PCDH15: variants seen among roughly 807,000 people sequenced by gnomAD.
The protein encoded by PCDH15 is protocadherin-15.
Under a neutral mutation model 178.5 loss-of-function variants are expected in PCDH15, and 129 were observed. That is an observed-to-expected ratio of 0.72 (90% CI 0.63 to 0.84). PCDH15 has a LOEUF of 0.84. Among genes scored for constraint, PCDH15 ranks in the 40% least tolerant of loss-of-function variants. The pLI is 0.00. For synonymous variants in PCDH15, 800 were observed against 732.0 expected (o/e 1.09, Z -1.50); for missense variants, 2,230 against 2,099.9 (o/e 1.06, Z -1.21).
At chr10:55,595,032 A>G (rs1842912079) in intron 2 of PCDH15, among the ~76,000 whole-genome samples, 1 of 152,204 alleles carries the variant, frequency 6.6e-6, no homozygotes. Context: ...TTTATCACCC[A>G]TGGATAATTA....
intron 1 of PCDH15, among the ~76,000 whole-genome samples, chr10:55,300,792 A>G (rs770211410): frequency 2.2e-4 from 33 of 152,166 alleles, no homozygotes; most frequent in Non-Finnish European, 4.4e-4. Context: ...TCAAATGTCA[A>G]TTTAAAAAAT....
intron 3 of PCDH15, among the ~76,000 whole-genome samples, chr10:54,385,313 T>C (rs1409949040): frequency 6.6e-6 from 1 of 152,140 alleles, no homozygotes; most frequent in Admixed American, 6.5e-5. Context: ...TTTAATATGT[T>C]ATTGAAAATA....
intron 2 of PCDH15, among the ~76,000 whole-genome samples, chr10:54,553,129 A>AG (rs1176130401): frequency 6.6e-6 from 1 of 152,190 alleles, no homozygotes; most frequent in African/African-American, 2.4e-5. Flanking sequence ...AGATTCTGTC[A>AG]GGGTGGTGTG....
chr10:53,903,384 A>T lies in PCDH15; in HGVS notation c.3374-14T>A. 1 of 1,611,778 alleles carries T rather than the reference A, an allele frequency of 6.2e-7. No individual in the cohort carries two copies. Among genetic ancestry groups the T allele is most frequent in the South Asian group, 1.1e-5 (1 of 91,044 alleles). ...TAGCTGTATTGCCTGGAGGACAAGA[A>T]ACGATGCATTTTTTATTGGTGGTTA... is the stretch of plus-strand genomic sequence containing the variant. On this transcript the variant is annotated splice_polypyrimidine_tract_variant and intron_variant, in intron 25 of 37. Coordinates refer to ENST00000644397, the MANE Select transcript of PCDH15 (RefSeq NM_001384140.1).
At position 54,450,180 on chromosome 10, in the gene PCDH15, CA is replaced by C. The variant is rs1303983346; in HGVS notation, c.158-71239del. ...ATATTATACTTTAAGTTCTAGGGTA[CA>C]TGTGCACAACATGCAGGTTTGTTAC... On this transcript the variant is annotated intron_variant, in intron 3 of 37. Transcript: ENST00000644397. Among the ~76,000 whole-genome samples, 4 of 143,196 alleles carry C rather than the reference CA, an allele frequency of 2.8e-5. No individual in the cohort carries two copies. In the East Asian group the frequency reaches 8.1e-4, roughly 29 times the overall value. 93.9% of individuals were successfully genotyped at this position (143,196 alleles called of 152,430 possible). A position where few individuals can be genotyped will look rare whatever the true frequency, so the allele number is the denominator to read the frequency against.
chr10:54,975,043 A>G (rs1306035837), intron 2 of PCDH15, among the ~76,000 whole-genome samples: 1 of 152,200 alleles, frequency 6.6e-6, no homozygotes, highest in East Asian at 1.9e-4. Flanking sequence ...TCTATTGGAC[A>G]CACCCTAAAA....
intron 5 of PCDH15, among the ~76,000 whole-genome samples, chr10:54,358,506 G>A (rs12774865): frequency 0.11 from 17,465 of 151,956 alleles, 1,792 homozygotes; most frequent in African/African-American, 0.28. Flanking sequence ...AAAAGTCAGG[G>A]AACAACAAAT....
intron 2 of PCDH15, among the ~76,000 whole-genome samples, chr10:55,086,597 A>C (rs929086698): frequency 1.1e-4 from 17 of 152,038 alleles, no homozygotes; most frequent in African/African-American, 3.9e-4. Flanking sequence ...TTAAAGGTTG[A>C]AGCCAAAGGA....
rs145493114 is a variant in PCDH15, at chr10:55,534,692, G to C, written c.-156+92933C>G. On this transcript the variant is annotated intron_variant, in intron 2 of 5. Transcript: ENST00000613346. ...AGAACTTAAAAACAGAGCTGCATTAGACCCATCAATCCCATTACTGAGTAT... is the reference window on the plus strand; with the variant it reads ...AGAACTTAAAAACAGAGCTGCATTACACCCATCAATCCCATTACTGAGTAT... 1.5e-4 allele frequency among the ~76,000 whole-genome samples: 23 copies of C among 152,136 alleles called. No homozygotes were observed. In the East Asian group the frequency reaches 3.7e-3, roughly 24 times the overall value.
At chr10:53,963,480 G>A (rs958524953) in intron 21 of PCDH15, among the ~76,000 whole-genome samples, 21 of 151,772 alleles carry the variant, frequency 1.4e-4, no homozygotes, top group Admixed American at 1.2e-3. Flanking sequence ...TTCTACTCTC[G>A]GCCCCTGGAA....
In PCDH15 at chr10:54,890,452, G is replaced by A. The variant is rs145028327; in HGVS notation, c.-29+6998C>T. ...ATGTAATAAAAAATATAACTGTGCC[G>A]TAGTGCTTAAGTCTACAGATGGCAA... On this transcript the variant is annotated intron_variant, in intron 3 of 5. Transcript: ENST00000458638. Among the ~76,000 whole-genome samples, 1,041 of 152,042 alleles carry A rather than the reference G, an allele frequency of 6.8e-3. 16 individuals carry two copies. The highest frequency in any genetic ancestry group is 0.023 in the African/African-American group (941 of 41,492).
At chr10:54,707,133 T>C (rs2095373134) in intron 1 of PCDH15, among the ~76,000 whole-genome samples, 2 of 152,160 alleles carry the variant, frequency 1.3e-5, no homozygotes, top group African/African-American at 2.4e-5. Flanking sequence ...AACTGGACCA[T>C]GGACTACTTA....
chr10:53,963,455 T>G (rs2088589960), intron 21 of PCDH15, among the ~76,000 whole-genome samples: 1 of 152,130 alleles, frequency 6.6e-6, no homozygotes. Context: ...TTTCAAGAAC[T>G]TCTACATTTT....
rs932049322 is a variant in PCDH15, at chr10:54,860,912, T to C, written c.-29+36538A>G. 2.6e-5 allele frequency among the ~76,000 whole-genome samples: 4 copies of C among 152,170 alleles called. No individual in the cohort carries two copies. In the East Asian group the frequency reaches 7.7e-4, roughly 29 times the overall value. ...TTAAGGCAATTTCTCCTACTATTTT[T>C]CTTACAGAATTTATTTATTAAGCAC... is the stretch of plus-strand genomic sequence containing the variant. On this transcript the variant is annotated intron_variant, in intron 3 of 5. Coordinates refer to the PCDH15 transcript ENST00000458638.
chr10:55,126,250 C>T (rs978804631), intron 2 of PCDH15, among the ~76,000 whole-genome samples: 3 of 152,108 alleles, frequency 2.0e-5, no homozygotes, highest in African/African-American at 7.2e-5. Context: ...ACATCTTTCT[C>T]ACTGGACAAT....
At chr10:54,360,720 T>G (rs1945886115) in intron 5 of PCDH15, among the ~76,000 whole-genome samples, 1 of 152,150 alleles carries the variant, frequency 6.6e-6, no homozygotes, top group African/African-American at 2.4e-5. Context: ...TATCATTCTA[T>G]TCTTCATCCT....
chr10:54,817,143 A>G (rs1355244054), intron 3 of PCDH15, among the ~76,000 whole-genome samples: 1 of 151,996 alleles, frequency 6.6e-6, no homozygotes, highest in African/African-American at 2.4e-5. Context: ...CTAACATTAT[A>G]TATGTAAAAT....
chr10:53,968,941 C>A (rs943371791), intron 21 of PCDH15, among the ~76,000 whole-genome samples: 3 of 152,142 alleles, frequency 2.0e-5, no homozygotes, highest in African/African-American at 7.2e-5. Context: ...AATCAGAGCA[C>A]CTCTTCTCCT....
chr10:54,573,892 T>C (rs953254197), intron 2 of PCDH15, among the ~76,000 whole-genome samples: 2 of 152,222 alleles, frequency 1.3e-5, no homozygotes, highest in Admixed American at 6.5e-5. Context: ...TTAAAAAAAA[T>C]TTGTTTGAGT....
Sources: gnomAD v4.1 joint callset for allele counts (sites outside exome capture counted in the v4.1 genomes callset) on GRCh38, gnomAD v4.1.1 for gene constraint, MANE v1.5 for transcripts, NCBI Gene and HGNC (gene_info 2026-07-23, HGNC 2026-07-21) for gene names.